The following KNDC1 variants were observed in gnomAD, a reference collection of about 807,000 sequenced individuals.
KNDC1 encodes kinase non-catalytic C-lobe domain containing 1, also known as kinase non-catalytic C-lobe domain-containing protein 1.
KNDC1 carries 106 observed loss-of-function variants against 172.8 expected under a neutral mutation model. The ratio of observed to expected loss-of-function variants is 0.61; its 90% CI spans 0.52 to 0.72. The LOEUF is 0.72. Among genes scored for constraint, KNDC1 ranks in the 30% least tolerant of loss-of-function variants. The pLI is 0.00. For synonymous variants in KNDC1, 1,083 were observed against 1,062.2 expected (o/e 1.02, Z -0.38); for missense variants, 2,325 against 2,394.5 (o/e 0.97, Z 0.61).
chr10:133,177,374 GCA>G (rs1476699292), intron 3 of KNDC1, among the ~76,000 whole-genome samples: 44 of 152,170 alleles, frequency 2.9e-4, no homozygotes, highest in Non-Finnish European at 8.8e-5. Flanking sequence ...TGTGGGTTGT[GCA>G]CACGTATGCA....
rs562730041 is a variant in KNDC1 at position 133,209,916 on chromosome 10, G to A, written c.3795-695G>A. Among the ~76,000 whole-genome samples the A allele has an allele frequency of 1.6e-4, 24 of 152,208 alleles. No individual in the cohort carries two copies. The highest frequency in any genetic ancestry group is 4.6e-4 in the Admixed American group (7 of 15,298). On this transcript the variant is annotated intron_variant, in intron 20 of 29. Transcript: ENST00000304613. This position sits in a 1 kb window ranked among gnomAD's most constrained non-coding sequence, Gnocchi z 4.9. Reference sequence around the variant, plus strand: ...CCAGGACAGTCCCAGACCTGCAGGCGGGGCCCTGGTCAGTGTCTCCTGAGG... The same window carrying A: ...CCAGGACAGTCCCAGACCTGCAGGCAGGGCCCTGGTCAGTGTCTCCTGAGG...
rs1014266036 is a variant in KNDC1 at position 133,211,727 on chromosome 10, G to A, written c.4105G>A (p.Val1369Met). ...CAAGCACCTGCTGGGCCTCCTGGAGGTGGGCATGGACCGGCGGGCCGAGGG... is the reference window on the plus strand; with the variant it reads ...CAAGCACCTGCTGGGCCTCCTGGAGATGGGCATGGACCGGCGGGCCGAGGG... The part of the protein sequence containing the change: ...SAKHLLGLLE[V>M]GMDRRAEGNP... Residue 1369 changes from valine (V) to methionine (M), a missense_variant, in exon 23 of 30, where the codon GTG (valine) becomes ATG (methionine). Val to Met is a conservative substitution (Grantham distance 21, BLOSUM62 1). Transcript: ENST00000304613. The A allele has an allele frequency of 1.2e-6, 2 of 1,608,868 alleles. No individual in the cohort carries two copies. Among genetic ancestry groups the A allele is most frequent in the African/African-American group, 2.7e-5 (2 of 74,760 alleles).
At chr10:133,202,329 T>C (rs2136004015) in intron 17 of KNDC1, 1 of 468,252 alleles carries the variant, frequency 2.1e-6, no homozygotes, top group African/African-American at 2.0e-5. Context: ...CTGGGCCTGG[T>C]CGCTGCAGCC....
At chr10:133,169,547 T>C (rs955145161) in intron 3 of KNDC1, among the ~76,000 whole-genome samples, 24 of 152,240 alleles carry the variant, frequency 1.6e-4, no homozygotes, top group South Asian at 2.1e-4. Flanking sequence ...CCCTTCACCC[T>C]GGGAGGTGGG....
intron 16 of KNDC1, among the ~76,000 whole-genome samples, chr10:133,200,721 G>A (rs1019027798): frequency 6.6e-5 from 10 of 152,212 alleles, no homozygotes; most frequent in South Asian, 2.1e-4. Flanking sequence ...TTCTGGGGGC[G>A]AGCAGGAGCC....
chr10:133,177,348 C>T (rs1351816692), intron 3 of KNDC1, among the ~76,000 whole-genome samples: 1 of 152,148 alleles, frequency 6.6e-6, no homozygotes, highest in Non-Finnish European at 1.5e-5. Flanking sequence ...TGTGTACATG[C>T]ATGGCATGCT....
rs1220888494 is a variant in KNDC1, at chr10:133,168,293, T to C, written c.341T>C (p.Val114Ala). The C allele has an allele frequency of 6.2e-7, 1 of 1,614,174 alleles. No homozygotes were observed. The highest frequency in any genetic ancestry group is 1.1e-5 in the South Asian group (1 of 91,078). The change falls in exon 3 of 30, where the codon GTG becomes GCG. Residue 114 changes from valine (V) to alanine (A), a missense_variant. Physicochemically the swap from Val to Ala is moderately conservative, Grantham distance 64 (BLOSUM62 0). Coordinates refer to ENST00000304613, the MANE Select transcript of KNDC1 (RefSeq NM_152643.8). ...EGAFVPPEFD[V>A]TGNTFEAHIY... is the part of the protein sequence containing the mutation. ...GCCTTCGTTCCCCCCGAGTTCGACGTGACCGGGAACACCTTTGAGGTAAGT... is the reference window on the plus strand; with the variant it reads ...GCCTTCGTTCCCCCCGAGTTCGACGCGACCGGGAACACCTTTGAGGTAAGT...
intron 17 of KNDC1, chr10:133,202,190 C>T: frequency 1.5e-6 from 1 of 673,968 alleles, no homozygotes; most frequent in South Asian, 1.5e-5. Context: ...CACAGGAGGC[C>T]CCTCCATGCT....
chr10:133,180,370 G>A (rs1382885221), intron 3 of KNDC1, among the ~76,000 whole-genome samples: 2 of 152,138 alleles, frequency 1.3e-5, no homozygotes, highest in Non-Finnish European at 2.9e-5. Context: ...GGGGCCCCTC[G>A]CCCGCGGCCA....
At position 133,185,651 on chromosome 10, in the gene KNDC1, C is replaced by A. The variant is rs1853877420; in HGVS notation, c.626-323C>A. Among the ~76,000 whole-genome samples the A allele has an allele frequency of 1.3e-5, 2 of 151,618 alleles. 1 individual carries two copies. Among genetic ancestry groups the A allele is most frequent in the South Asian group, 4.2e-4 (2 of 4,776 alleles). ...GTAATCCTCGAGGAAAACGACGTGCCTTTGGATGAGATAATTAGGTCCAGG... is the reference window on the plus strand; with the variant it reads ...GTAATCCTCGAGGAAAACGACGTGCATTTGGATGAGATAATTAGGTCCAGG... On this transcript the variant is annotated intron_variant, in intron 5 of 29. Transcript: ENST00000304613.
In KNDC1 at chr10:133,218,939, G is replaced by A. The variant is rs1164337367; in HGVS notation, c.4786G>A (p.Val1596Met). The A allele has an allele frequency of 7.4e-6, 12 of 1,613,760 alleles. No individual in the cohort carries two copies. The highest frequency in any genetic ancestry group is 9.3e-6 in the Non-Finnish European group (11 of 1,179,880). The change falls in exon 27 of 30, where the codon GTG becomes ATG. Residue 1596 changes from valine (V) to methionine (M), a missense_variant. Transcript: ENST00000304613. ...CCTGAGCGGGCTGGAGCACCTGGCCGTGAGGCAGTCCCCTGTGCGTCCCCC... is the reference window on the plus strand; with the variant it reads ...CCTGAGCGGGCTGGAGCACCTGGCCATGAGGCAGTCCCCTGTGCGTCCCCC... ...QILSGLEHLAVRQSPAWRILP... is the reference protein window; with the variant it reads ...QILSGLEHLAMRQSPAWRILP...
intron 5 of KNDC1, among the ~76,000 whole-genome samples, chr10:133,184,924 G>T (rs1297156806): frequency 6.6e-6 from 1 of 152,288 alleles, no homozygotes; most frequent in Non-Finnish European, 1.5e-5. Context: ...GCGTTACAGA[G>T]CTGCAGCTGC....
rs979915019 is a variant in KNDC1, at chr10:133,163,677, CTG to C, written c.102+3112_102+3113del. 3.9e-5 allele frequency among the ~76,000 whole-genome samples: 6 copies of C among 152,142 alleles called. No homozygotes were observed. Among genetic ancestry groups the C allele is most frequent in the African/African-American group, 1.4e-4 (6 of 41,424 alleles). On this transcript the variant is annotated intron_variant, in intron 1 of 29. Transcript: ENST00000304613. This position sits in a 1 kb window ranked among gnomAD's most constrained non-coding sequence, Gnocchi z 4.4. ...AATGCGCCACACGATCTAGGCGTCC[CTG>C]TGTAACCCTGGCTCGAAGTCTGCCT...
intron 28 of KNDC1, 120 bp from the exon 29 acceptor site, chr10:133,219,835 C>T: frequency 1.0e-6 from 1 of 979,404 alleles, no homozygotes; most frequent in South Asian, 1.8e-5. Flanking sequence ...GCCGGGTAGA[C>T]CCCGTGCGTG....
At chr10:133,169,122 A>G (rs993232933) in intron 3 of KNDC1, among the ~76,000 whole-genome samples, 4 of 152,352 alleles carry the variant, frequency 2.6e-5, no homozygotes, top group African/African-American at 9.6e-5. Flanking sequence ...TCTTCCCAAT[A>G]AAAGCCCATC....
chr10:133,184,403 C>T (rs1177446443), intron 5 of KNDC1, among the ~76,000 whole-genome samples: 10 of 115,484 alleles, frequency 8.7e-5, no homozygotes, highest in South Asian at 3.0e-4. Context: ...CACGCACACA[C>T]GCACACACCC....
chr10:133,220,963 A>T (rs1274253705), intron 29 of KNDC1, among the ~76,000 whole-genome samples: 3 of 152,030 alleles, frequency 2.0e-5, no homozygotes, highest in African/African-American at 7.2e-5. Context: ...TGGCACTCAC[A>T]GCCTCAGACC....
At chr10:133,200,910 G>T (rs1854345446) in intron 16 of KNDC1, among the ~76,000 whole-genome samples, 1 of 152,226 alleles carries the variant, frequency 6.6e-6, no homozygotes, top group African/African-American at 2.4e-5. Flanking sequence ...CCAGGCTGGG[G>T]ACGTCCCAGC....
chr10:133,221,836 G>C (rs1243100625), intron 29 of KNDC1, among the ~76,000 whole-genome samples: 1 of 114,982 alleles, frequency 8.7e-6, no homozygotes, highest in East Asian at 3.4e-4. Flanking sequence ...TAGGTAGGCC[G>C]GGCTGGGTGC....
Sources: allele counts gnomAD v4.1 joint callset (sites outside exome capture counted in the v4.1 genomes callset), GRCh38; gene constraint gnomAD v4.1.1; non-coding constraint Gnocchi (gnomAD v3.1); transcripts MANE v1.5; gene names NCBI Gene and HGNC (gene_info 2026-07-23, HGNC 2026-07-21).